Variants in NFIA observed in about 807,000 individuals in gnomAD.
The protein encoded by NFIA is nuclear factor 1 A-type.
Under a neutral mutation model 62.8 loss-of-function variants are expected in NFIA, and 8 were observed. The observed-to-expected ratio is 0.13, with a 90% CI of 0.07 to 0.23. NFIA has a LOEUF of 0.23. Among genes scored for constraint, NFIA ranks in the 10% least tolerant of loss-of-function variants. NFIA has a pLI of 1.00. For missense variants in NFIA, 410 were observed against 642.1 expected (o/e 0.64, Z 3.91); for synonymous variants, 235 against 238.1 (o/e 0.99, Z 0.12).
At chr1:61,171,656 G>A (rs542436058) in intron 2 of NFIA, among the ~76,000 whole-genome samples, 34 of 152,284 alleles carry the variant, frequency 2.2e-4, no homozygotes, top group African/African-American at 7.9e-4. Context: ...ATCTGAGGAC[G>A]AATAAGAGAA....
intron 4 of NFIA, among the ~76,000 whole-genome samples, chr1:61,343,079 T>C (rs539388977): frequency 2.0e-5 from 3 of 152,308 alleles, no homozygotes; most frequent in Admixed American, 2.0e-4. Context: ...TTCAACTCAG[T>C]AAACATTTGG....
At chr1:61,158,103 T>C (rs1648937953) in intron 2 of NFIA, among the ~76,000 whole-genome samples, 1 of 152,202 alleles carries the variant, frequency 6.6e-6, no homozygotes, top group South Asian at 2.1e-4. Flanking sequence ...AGGTAGATCA[T>C]AGTCAGATTT....
chr1:61,190,765 AT>A (rs1419202158), intron 2 of NFIA, among the ~76,000 whole-genome samples: 2 of 152,212 alleles, frequency 1.3e-5, no homozygotes, highest in Non-Finnish European at 2.9e-5. Flanking sequence ...TCTAGACCAT[AT>A]TTGGTTACCC....
intron 3 of NFIA, among the ~76,000 whole-genome samples, chr1:61,316,346 A>G (rs1326127575): frequency 6.6e-6 from 1 of 152,212 alleles, no homozygotes; most frequent in Admixed American, 6.5e-5. Context: ...TAAGTCAGAC[A>G]GCTCAACAGT....
intron 3 of NFIA, among the ~76,000 whole-genome samples, chr1:61,329,236 A>G (rs1258615673): frequency 6.9e-6 from 1 of 145,448 alleles, no homozygotes; most frequent in Admixed American, 6.9e-5. Flanking sequence ...TTTAGTAGAG[A>G]TGGGTTTTAC....
chr1:61,365,042 C>G (rs905691099), intron 6 of NFIA, among the ~76,000 whole-genome samples: 1 of 152,134 alleles, frequency 6.6e-6, no homozygotes, highest in African/African-American at 2.4e-5. Context: ...TTTTAATTAG[C>G]CATGCATAAT....
At chr1:61,081,715 T>G, upstream of NFIA, 7 of 596,006 alleles carry the variant, frequency 1.2e-5, no homozygotes, top group East Asian at 3.3e-5. Flanking sequence ...GCCCCCCAAA[T>G]CCGGTGAATC....
At chr1:61,306,496 G>A (rs754115058) in intron 3 of NFIA, among the ~76,000 whole-genome samples, 3 of 151,292 alleles carry the variant, frequency 2.0e-5, no homozygotes, top group Admixed American at 6.6e-5. Context: ...GGCTAGTCTC[G>A]AACTCCTGAC....
chr1:61,155,810 G>A (rs1055073378), intron 2 of NFIA, among the ~76,000 whole-genome samples: 2 of 151,718 alleles, frequency 1.3e-5, no homozygotes, highest in African/African-American at 4.8e-5. Flanking sequence ...TTATTGGTGT[G>A]CTGGTGAAAG....
At chr1:61,391,648 T>C (rs1057201903) in intron 7 of NFIA, among the ~76,000 whole-genome samples, 4 of 152,190 alleles carry the variant, frequency 2.6e-5, no homozygotes, top group African/African-American at 9.7e-5. Flanking sequence ...TCCTGTGGCA[T>C]TTTAAGTTTT....
chr1:61,366,639 T>C (rs991633961), intron 6 of NFIA, among the ~76,000 whole-genome samples: 2 of 152,188 alleles, frequency 1.3e-5, no homozygotes, highest in African/African-American at 4.8e-5. Flanking sequence ...TTAAGTACTT[T>C]AGGCCGAGCA....
chr1:61,169,500 A>G (rs905371528), intron 2 of NFIA, among the ~76,000 whole-genome samples: 4 of 152,098 alleles, frequency 2.6e-5, no homozygotes, highest in Admixed American at 6.6e-5. Context: ...GACACCCCCA[A>G]CCAAATGTGG....
At chr1:61,114,319 TA>T (rs144411885) in intron 2 of NFIA, among the ~76,000 whole-genome samples, 3,452 of 147,776 alleles carry the variant, frequency 0.023, 60 homozygotes, top group Middle Eastern at 0.075. Context: ...GACCCCATCT[TA>T]AAAAAATTTT....
At chr1:61,264,615 C>T (rs1010882220) in intron 2 of NFIA, among the ~76,000 whole-genome samples, 7 of 132,242 alleles carry the variant, frequency 5.3e-5, no homozygotes, top group African/African-American at 2.1e-4. Context: ...CGCACCATTG[C>T]ACTCCAGCCT....
chr1:61,394,626 T>C (rs1337200941), intron 7 of NFIA, among the ~76,000 whole-genome samples: 1 of 152,172 alleles, frequency 6.6e-6, no homozygotes, highest in African/African-American at 2.4e-5. Context: ...CTAAGGAATA[T>C]AGGAGGCTGG....
At chr1:61,423,965 CT>C (rs1198285327) in intron 9 of NFIA, among the ~76,000 whole-genome samples, 3 of 151,806 alleles carry the variant, frequency 2.0e-5, no homozygotes, top group Non-Finnish European at 4.4e-5. Flanking sequence ...GACTAGTAGA[CT>C]TTTGTAGCTG....
At chr1:61,427,526 A>G (rs1263941084) in intron 10 of NFIA, among the ~76,000 whole-genome samples, 3 of 152,168 alleles carry the variant, frequency 2.0e-5, no homozygotes, top group African/African-American at 7.2e-5. Context: ...CTAATTTATA[A>G]CTATTTGCCT....
intron 10 of NFIA, among the ~76,000 whole-genome samples, chr1:61,431,167 A>G (rs1480361045): frequency 6.6e-6 from 1 of 152,200 alleles, no homozygotes; most frequent in Non-Finnish European, 1.5e-5. Flanking sequence ...GGCCATTTCA[A>G]TTGCATCCCA....
intron 4 of NFIA, among the ~76,000 whole-genome samples, 190 bp downstream of exon 4, chr1:61,332,776 TGAGGCATAAAA>T (rs1661364999): frequency 1.3e-5 from 2 of 152,212 alleles, no homozygotes; most frequent in African/African-American, 4.8e-5. Context: ...TATTTTGATG[TGAGGCATAAAA>T]GAAAGACCAA....
Sources: allele counts gnomAD v4.1 joint callset (sites outside exome capture counted in the v4.1 genomes callset), GRCh38; gene constraint gnomAD v4.1.1; transcripts MANE v1.5; gene names NCBI Gene and HGNC (gene_info 2026-07-23, HGNC 2026-07-21).